UBR1: variants seen among roughly 807,000 people sequenced by gnomAD.
The protein encoded by UBR1 is E3 ubiquitin-protein ligase UBR1.
UBR1 carries 102 observed loss-of-function variants against 242.1 expected under a neutral mutation model. That is an observed-to-expected ratio of 0.42 (90% CI 0.36 to 0.50). UBR1 has a LOEUF of 0.50. Among genes scored for constraint, UBR1 ranks in the 20% least tolerant of loss-of-function variants. The pLI, the probability that UBR1 is intolerant of heterozygous loss-of-function variation, is 0.01. For synonymous variants in UBR1, 675 were observed against 684.8 expected, an observed-to-expected ratio of 0.99 and a Z score of 0.22; for missense variants, 1,772 against 2,101.8, an observed-to-expected ratio of 0.84 and a Z score of 3.07.
intron 29 of UBR1, 25 bp from the exon 30 acceptor site, chr15:43,007,309 G>A: frequency 1.1e-5 from 17 of 1,611,106 alleles, no homozygotes; most frequent in Admixed American, 1.7e-5. Flanking sequence ...GATCAGAAAT[G>A]AGGACACATG....
Position 43,080,445 on chromosome 15 carries a change from T to G in UBR1, c.417+2193A>C, listed in dbSNP as rs139505076. On this transcript the variant is annotated intron_variant, in intron 3 of 46. Transcript: ENST00000290650. ...TTGTCTTTTCCAAAATGTCATACAG[T>G]TGGAATCATACAGTATGTAGCCTTT... Among the ~76,000 whole-genome samples, 22 of 152,302 alleles carry G rather than the reference T, an allele frequency of 1.4e-4. No individual in the cohort carries two copies. In the East Asian group the frequency reaches 4.2e-3, roughly 29 times the overall value.
chr15:43,006,091 T>TAA (rs1257692507), intron 30 of UBR1, among the ~76,000 whole-genome samples: 2 of 71,646 alleles, frequency 2.8e-5, no homozygotes, highest in South Asian at 4.4e-4. Flanking sequence ...CAATAAATAC[T>TAA]AAAAAAAAAA....
intron 33 of UBR1, among the ~76,000 whole-genome samples, chr15:42,994,209 T>C (rs2032598917): frequency 6.6e-6 from 1 of 152,064 alleles, no homozygotes. Context: ...TGAAAACTAT[T>C]GAGATTCTTA....
intron 1 of UBR1, among the ~76,000 whole-genome samples, chr15:43,102,075 G>C (rs191718197): frequency 4.0e-4 from 60 of 151,446 alleles, no homozygotes; most frequent in African/African-American, 1.4e-3. Context: ...GGGACAAAGA[G>C]GTTGCAATGA....
At chr15:43,050,295 T>C (rs1003868196) in intron 12 of UBR1, among the ~76,000 whole-genome samples, 8 of 152,070 alleles carry the variant, frequency 5.3e-5, no homozygotes, top group Admixed American at 6.6e-5. Context: ...CAAAGGAAAC[T>C]ATCAACAGAG....
intron 20 of UBR1, among the ~76,000 whole-genome samples, chr15:43,030,875 C>A (rs767227119): frequency 1.3e-5 from 2 of 152,160 alleles, no homozygotes; most frequent in Admixed American, 1.3e-4. Context: ...TGCCAAAGAA[C>A]GACTTTTTGT....
intron 15 of UBR1, 66 bp from the exon 16 acceptor site, chr15:43,038,298 C>T (rs1366961044): frequency 6.7e-7 from 1 of 1,502,972 alleles, no homozygotes; most frequent in African/African-American, 1.4e-5. Flanking sequence ...GTTAACTCAT[C>T]AAGTTTAGAA....
At chr15:42,991,118 T>C (rs1462136369) in intron 33 of UBR1, among the ~76,000 whole-genome samples, 1 of 151,852 alleles carries the variant, frequency 6.6e-6, no homozygotes, top group African/African-American at 2.4e-5. Context: ...CTACTAAAAA[T>C]ACAAAAAATT....
chr15:42,973,920 G>A (rs1233738881), intron 39 of UBR1, among the ~76,000 whole-genome samples: 4 of 126,828 alleles, frequency 3.2e-5, no homozygotes, highest in African/African-American at 6.3e-5. Flanking sequence ...ATGGAGTCTC[G>A]CACTCTCTCC....
At chr15:43,074,746 T>C (rs1027515514) in intron 4 of UBR1, among the ~76,000 whole-genome samples, 1 of 152,192 alleles carries the variant, frequency 6.6e-6, no homozygotes, top group African/African-American at 2.4e-5. Context: ...ATCAAGTTGA[T>C]TGCTTAACAA....
intron 38 of UBR1, among the ~76,000 whole-genome samples, chr15:42,977,247 G>C (rs1025044306): frequency 6.6e-6 from 1 of 152,146 alleles, no homozygotes; most frequent in Non-Finnish European, 1.5e-5. Flanking sequence ...TCTTTTCAAA[G>C]TTCCCCAGGA....
chr15:43,060,740 AAAT>A (rs774850002), intron 6 of UBR1, among the ~76,000 whole-genome samples: 2 of 152,204 alleles, frequency 1.3e-5, no homozygotes, highest in Non-Finnish European at 2.9e-5. Flanking sequence ...ATAAAAAGAA[AAAT>A]AAGACAGAAG....
At chr15:43,025,629 CA>C (rs2033168744) in intron 23 of UBR1, 200 bp from the exon 24 acceptor site, 2 of 555,710 alleles carry the variant, frequency 3.6e-6, no homozygotes, top group African/African-American at 3.8e-5. Context: ...TATCCCTGAT[CA>C]AAAACTTAGT....
intron 32 of UBR1, 141 bp downstream of exon 32, chr15:43,002,414 T>G: frequency 3.2e-6 from 3 of 942,120 alleles, no homozygotes; most frequent in Non-Finnish European, 4.8e-6. Context: ...AGAGATGGGG[T>G]TTTACCATGT....
At chr15:42,985,743 CT>C (rs1395416986) in intron 35 of UBR1, among the ~76,000 whole-genome samples, 1 of 151,122 alleles carries the variant, frequency 6.6e-6, no homozygotes, top group African/African-American at 2.4e-5. Context: ...AATCCCTGGA[CT>C]TTGGGTGGGT....
At chr15:42,985,738 C>A (rs1252425957) in intron 35 of UBR1, among the ~76,000 whole-genome samples, 2 of 151,622 alleles carry the variant, frequency 1.3e-5, no homozygotes, top group Non-Finnish European at 2.9e-5. Context: ...CCTGTAATCC[C>A]TGGACTTTGG....
intron 1 of UBR1, among the ~76,000 whole-genome samples, chr15:43,100,220 G>A (rs2041161706): frequency 3.9e-5 from 6 of 152,010 alleles, no homozygotes; most frequent in Admixed American, 3.9e-4. Context: ...AACTTGATGT[G>A]CCCCCATGTA....
intron 6 of UBR1, among the ~76,000 whole-genome samples, chr15:43,065,168 A>T (rs2033736860): frequency 6.6e-6 from 1 of 152,180 alleles, no homozygotes; most frequent in Non-Finnish European, 1.5e-5. Context: ...TAATATAGGT[A>T]TTGACATCTG....
chr15:42,967,222 T>TTG (rs1555442412), intron 40 of UBR1, among the ~76,000 whole-genome samples: 1 of 147,324 alleles, frequency 6.8e-6, no homozygotes, highest in Non-Finnish European at 1.5e-5. Context: ...TCAACTAGTT[T>TTG]TTTTTTTTTT....
Sources: gnomAD v4.1 joint callset for allele counts (sites outside exome capture counted in the v4.1 genomes callset) on GRCh38, gnomAD v4.1.1 for gene constraint, MANE v1.5 for transcripts, NCBI Gene and HGNC (gene_info 2026-07-23, HGNC 2026-07-21) for gene names.